OPCML: variants seen among roughly 807,000 people sequenced by gnomAD.
OPCML encodes the protein opioid binding protein/cell adhesion molecule like, also known as opioid-binding protein/cell adhesion molecule.
A neutral mutation model predicts 37.8 loss-of-function variants in OPCML; 13 were observed. The observed-to-expected ratio is 0.34, with a 90% CI of 0.22 to 0.55. The LOEUF is 0.55. Among genes scored for constraint, OPCML ranks in the 20% least tolerant of loss-of-function variants. The pLI, the probability that OPCML is intolerant of heterozygous loss-of-function variation, is 0.91. For synonymous variants in OPCML, 176 were observed against 168.8 expected, an observed-to-expected ratio of 1.04 and a Z score of -0.33; for missense variants, 341 against 435.6, an observed-to-expected ratio of 0.78 and a Z score of 1.93.
chr11:133,220,302 A>G (rs1939762119), intron 1 of OPCML, among the ~76,000 whole-genome samples: 1 of 152,204 alleles, frequency 6.6e-6, no homozygotes, highest in African/African-American at 2.4e-5. Context: ...TGATTTTTGC[A>G]GAAACATTAG....
At chr11:133,225,270 C>A (rs1939994123) in intron 1 of OPCML, among the ~76,000 whole-genome samples, 1 of 152,176 alleles carries the variant, frequency 6.6e-6, no homozygotes, top group South Asian at 2.1e-4. Flanking sequence ...TTTCTCAGTT[C>A]ACCTTGAGTT....
intron 3 of OPCML, among the ~76,000 whole-genome samples, chr11:132,622,907 T>C (rs1040311948): frequency 3.3e-5 from 5 of 152,184 alleles, no homozygotes; most frequent in African/African-American, 1.2e-4. Flanking sequence ...AGTTCTCTAC[T>C]TACTGTACAG....
intron 1 of OPCML, among the ~76,000 whole-genome samples, chr11:133,354,309 T>TGATGGTGGTGATAATGGTGATAG (rs1944228421): frequency 4.5e-5 from 1 of 22,254 alleles, no homozygotes; most frequent in Non-Finnish European, 1.0e-4. Context: ...TGGTGACGTG[T>TGATGGTGGTGATAATGGTGATAG]TGGTAGTGGT....
At chr11:133,191,219 G>A (rs1398871815) in intron 1 of OPCML, among the ~76,000 whole-genome samples, 1 of 151,960 alleles carries the variant, frequency 6.6e-6, no homozygotes, top group Non-Finnish European at 1.5e-5. Flanking sequence ...TTTCCCTAAT[G>A]ATCAGTGATG....
At position 133,416,737 on chromosome 11, in the gene OPCML, G is replaced by A. The variant is rs576697655; in HGVS notation, c.61+115527C>T. ...TGATTTTTTTCCTGGCTCCTGTCAC[G>A]GAACTCCTAAAACCCTTGGATTATC... is the stretch of plus-strand genomic sequence containing the variant. On this transcript the variant is annotated intron_variant, in intron 1 of 7. Transcript: ENST00000524381. Among the ~76,000 whole-genome samples, 303 of 152,216 alleles carry A rather than the reference G, an allele frequency of 2.0e-3. 2 individuals carry two copies. The highest frequency in any genetic ancestry group is 6.5e-3 in the African/African-American group (270 of 41,526).
chr11:133,321,477 G>C (rs1565570742), intron 1 of OPCML, among the ~76,000 whole-genome samples: 1 of 152,186 alleles, frequency 6.6e-6, no homozygotes, highest in Non-Finnish European at 1.5e-5. Context: ...TGGGGGGACA[G>C]ACCTCCTCTT....
At chr11:133,221,009 G>A (rs973666900) in intron 1 of OPCML, among the ~76,000 whole-genome samples, 1 of 152,140 alleles carries the variant, frequency 6.6e-6, no homozygotes, top group Non-Finnish European at 1.5e-5. Context: ...AAATAATTCT[G>A]CAACCATCTT....
chr11:132,716,442 C>A (rs1310649535), intron 2 of OPCML, among the ~76,000 whole-genome samples: 2 of 134,548 alleles, frequency 1.5e-5, no homozygotes, highest in Non-Finnish European at 3.2e-5. Flanking sequence ...ATCTATCTAT[C>A]TATCTATCTA....
intron 4 of OPCML, among the ~76,000 whole-genome samples, chr11:132,526,640 G>C (rs909817777): frequency 3.3e-5 from 5 of 152,162 alleles, no homozygotes; most frequent in African/African-American, 9.6e-5. Flanking sequence ...AAAAGATCCA[G>C]TCTCTTATTT....
intron 1 of OPCML, among the ~76,000 whole-genome samples, chr11:133,377,007 G>A (rs1473192136): frequency 1.3e-5 from 2 of 152,152 alleles, no homozygotes; most frequent in African/African-American, 4.8e-5. Context: ...GAAAAGAGAT[G>A]AACGGCGACA....
At chr11:133,397,242 C>T (rs1463292835) in intron 1 of OPCML, among the ~76,000 whole-genome samples, 1 of 152,168 alleles carries the variant, frequency 6.6e-6, no homozygotes, top group Admixed American at 6.5e-5. Context: ...ATGTCTCTTC[C>T]TTTTTCTATG....
At chr11:133,356,327 G>A (rs1944289985) in intron 1 of OPCML, among the ~76,000 whole-genome samples, 1 of 152,220 alleles carries the variant, frequency 6.6e-6, no homozygotes, top group African/African-American at 2.4e-5. Flanking sequence ...TTTATGCTCT[G>A]AGCTGCTGAG....
intron 1 of OPCML, among the ~76,000 whole-genome samples, chr11:133,093,157 T>C (rs934952349): frequency 5.3e-5 from 8 of 152,108 alleles, no homozygotes; most frequent in African/African-American, 1.9e-4. Flanking sequence ...TTGTGAGATT[T>C]TGGTGTACCC....
chr11:133,002,976 T>C (rs1418428895), intron 1 of OPCML, among the ~76,000 whole-genome samples: 1 of 152,178 alleles, frequency 6.6e-6, no homozygotes, highest in Non-Finnish European at 1.5e-5. Flanking sequence ...AAAATGCAAG[T>C]TAAAAGTCAC....
chr11:132,479,916 G>T (rs1174453635), intron 4 of OPCML, among the ~76,000 whole-genome samples: 2 of 152,112 alleles, frequency 1.3e-5, no homozygotes. Flanking sequence ...CACAAAGATG[G>T]GGAAAAAAAC....
chr11:133,191,940 A>G (rs1938339815), intron 1 of OPCML, among the ~76,000 whole-genome samples: 1 of 152,142 alleles, frequency 6.6e-6, no homozygotes, highest in Admixed American at 6.5e-5. Flanking sequence ...CTCTAACCCA[A>G]AATATAGAAA....
chr11:132,530,970 T>C (rs2096323459), intron 3 of OPCML, among the ~76,000 whole-genome samples: 1 of 152,128 alleles, frequency 6.6e-6, no homozygotes, highest in African/African-American at 2.4e-5. Context: ...TCTCCCCACA[T>C]CCTGAAAGCA....
At chr11:132,958,443 C>T (rs1004978821) in intron 1 of OPCML, among the ~76,000 whole-genome samples, 2 of 152,188 alleles carry the variant, frequency 1.3e-5, no homozygotes, top group African/African-American at 4.8e-5. Context: ...AGCAAGTAAT[C>T]CAGAAGATTT....
At chr11:133,327,841 C>G (rs146856783) in intron 1 of OPCML, among the ~76,000 whole-genome samples, 245 of 152,242 alleles carry the variant, frequency 1.6e-3, no homozygotes, top group African/African-American at 5.6e-3. Context: ...GGGGAGTCCA[C>G]CTAAGCCTGG....
Sources: allele counts gnomAD v4.1 joint callset (sites outside exome capture counted in the v4.1 genomes callset), GRCh38; gene constraint gnomAD v4.1.1; transcripts MANE v1.5; gene names NCBI Gene and HGNC (gene_info 2026-07-23, HGNC 2026-07-21).